The following SPG21 variants were observed in gnomAD, a reference collection of about 807,000 sequenced individuals.
SPG21 encodes maspardin.
A neutral mutation model predicts 38.9 loss-of-function variants in SPG21; 26 were observed. That is an observed-to-expected ratio of 0.67 (90% confidence interval 0.49 to 0.93). The LOEUF (loss-of-function observed/expected upper bound fraction) is 0.93, where lower values mean the gene tolerates loss of function less well. Ranked by LOEUF, SPG21 falls within the 40% of genes least tolerant of loss-of-function variation. The pLI is 0.00. For synonymous variants in SPG21, 136 were observed against 128.9 expected (o/e 1.05, Z -0.37); for missense variants, 333 against 376.5 (o/e 0.88, Z 0.96).
At chr15:64,974,527 T>A (rs1416499004) in intron 5 of SPG21, 75 bp downstream of exon 5, 11 of 1,559,210 alleles carry the variant, frequency 7.1e-6, no homozygotes, top group Non-Finnish European at 9.7e-6. Context: ...AAGTCTTCCC[T>A]TCCTAATGTA....
In SPG21 at chr15:64,974,702, A is replaced by G; in HGVS notation, c.352T>C (p.Phe118Leu). The G allele has an allele frequency of 6.2e-7, 1 of 1,614,150 alleles. No homozygotes were observed. Among genetic ancestry groups the G allele is most frequent in the Non-Finnish European group, 8.5e-7 (1 of 1,180,026 alleles). Reference sequence around the variant, plus strand: ...GGAGATTTGTGAGTGTATTCAGCAAATTTCTGGGCCAAAAAGCCTCCCAAA... The same window carrying G: ...GGAGATTTGTGAGTGTATTCAGCAAGTTTCTGGGCCAAAAAGCCTCCCAAA... The part of the protein sequence containing the change: ...ASLGGFLAQK[F>L]AEYTHKSPRV... The change falls in exon 5 of 9, where the codon TTT becomes CTT. Residue 118 changes from phenylalanine to leucine, a missense_variant. Phe to Leu is a conservative substitution (Grantham distance 22). Coordinates refer to ENST00000204566, the MANE Select transcript of SPG21 (RefSeq NM_016630.7).
At chr15:64,974,510 T>G in intron 5 of SPG21, 92 bp downstream of exon 5, 1 of 1,448,554 alleles carries the variant, frequency 6.9e-7, no homozygotes, top group Non-Finnish European at 9.6e-7. Context: ...AATATAGAAG[T>G]AGATATAAGT....
chr15:64,963,876 C>T, intron 8 of SPG21, 140 bp from the exon 9 acceptor site: 2 of 688,626 alleles, frequency 2.9e-6, no homozygotes, highest in Non-Finnish European at 5.1e-6. Flanking sequence ...CCTGCCTCAG[C>T]CTCCCGAGTA....
At chr15:64,969,192 A>G in intron 7 of SPG21, 63 bp downstream of exon 7, 1 of 1,131,172 alleles carries the variant, frequency 8.8e-7, no homozygotes, top group Non-Finnish European at 1.3e-6. Flanking sequence ...ATAGTTTTAT[A>G]GGAGATCTTG....
At chr15:64,982,479 G>A (rs1267444563) in intron 2 of SPG21, among the ~76,000 whole-genome samples, 2 of 152,072 alleles carry the variant, frequency 1.3e-5, no homozygotes, top group South Asian at 2.1e-4. Context: ...ACAGAGTTTC[G>A]CTATGTTGCC....
intron 5 of SPG21, among the ~76,000 whole-genome samples, 174 bp downstream of exon 5, chr15:64,974,428 T>C (rs766595599): frequency 3.3e-5 from 5 of 152,122 alleles, no homozygotes; most frequent in Non-Finnish European, 7.3e-5. Flanking sequence ...TAAGCTGTGA[T>C]TGCACCACTG....
intron 7 of SPG21, among the ~76,000 whole-genome samples, chr15:64,966,099 A>G (rs772400658): frequency 1.3e-5 from 2 of 152,194 alleles, no homozygotes; most frequent in Non-Finnish European, 2.9e-5. Context: ...GCAAATGTCA[A>G]TAAGTTTCAA....
intron 7 of SPG21, among the ~76,000 whole-genome samples, chr15:64,966,564 G>A (rs1236798262): frequency 2.0e-5 from 3 of 152,070 alleles, no homozygotes; most frequent in African/African-American, 4.8e-5. Flanking sequence ...TTGTTTACAC[G>A]CTTATAATGA....
At position 64,974,701 on chromosome 15, in the gene SPG21, A is replaced by T. The variant is rs1229873451; in HGVS notation, c.353T>A (p.Phe118Tyr). Reference protein sequence around the residue: ...ASLGGFLAQKFAEYTHKSPRV... With the variant: ...ASLGGFLAQKYAEYTHKSPRV... ...AGGAGATTTGTGAGTGTATTCAGCA[A>T]ATTTCTGGGCCAAAAAGCCTCCCAA... Residue 118 changes from phenylalanine (F) to tyrosine (Y), a missense_variant, in exon 5 of 9, where the codon TTT becomes TAT. Phe to Tyr is a conservative substitution (Grantham distance 22). Coordinates refer to ENST00000204566, the MANE Select transcript of SPG21 (RefSeq NM_016630.7). The T allele has an allele frequency of 6.2e-7, 1 of 1,614,072 alleles. No individual in the cohort carries two copies. The highest frequency in any genetic ancestry group is 8.5e-7 in the Non-Finnish European group (1 of 1,180,044).
At chr15:64,965,601 C>T (rs1188235495) in intron 7 of SPG21, 141 bp from the exon 8 acceptor site, 3 of 1,284,090 alleles carry the variant, frequency 2.3e-6, no homozygotes, top group African/African-American at 3.0e-5. Context: ...CATATGAAGA[C>T]AATCCTGAAC....
At chr15:64,971,355 C>T (rs1005964595) in intron 5 of SPG21, among the ~76,000 whole-genome samples, 7 of 150,968 alleles carry the variant, frequency 4.6e-5, no homozygotes, top group Non-Finnish European at 7.4e-5. Flanking sequence ...CTGGCTAACA[C>T]GGTGAAACCC....
intron 5 of SPG21, 43 bp from the exon 6 acceptor site, chr15:64,970,265 C>T (rs745830978): frequency 2.7e-6 from 4 of 1,471,542 alleles, no homozygotes; most frequent in Non-Finnish European, 3.8e-6. Context: ...TCCAAGACTA[C>T]ACATGGCAAA....
chr15:64,980,294 G>A (rs56412347), intron 3 of SPG21, among the ~76,000 whole-genome samples: 2,535 of 152,234 alleles, frequency 0.017, 28 homozygotes, highest in Admixed American at 0.024. Flanking sequence ...AGGGCGTCAG[G>A]AGAGAATGCA....
At chr15:64,988,040 A>C (rs1015406710) in intron 1 of SPG21, among the ~76,000 whole-genome samples, 4 of 150,578 alleles carry the variant, frequency 2.7e-5, no homozygotes, top group Non-Finnish European at 5.9e-5. Flanking sequence ...ATCTCAAAAA[A>C]ACAAACAAAA....
intron 5 of SPG21, among the ~76,000 whole-genome samples, chr15:64,972,905 G>A (rs145274447): frequency 6.6e-6 from 1 of 152,150 alleles, no homozygotes; most frequent in Admixed American, 6.6e-5. Context: ...TTAAGTAGAT[G>A]TGAAAACGAT....
chr15:64,970,312 A>G, intron 5 of SPG21, 90 bp from the exon 6 acceptor site: 2 of 1,150,670 alleles, frequency 1.7e-6, no homozygotes, highest in South Asian at 2.5e-5. Flanking sequence ...TTAGCTTGGG[A>G]TCTAGAAATA....
intron 6 of SPG21, among the ~76,000 whole-genome samples, chr15:64,969,640 G>C (rs1047673998): frequency 6.6e-6 from 1 of 151,570 alleles, no homozygotes; most frequent in Admixed American, 6.6e-5. Context: ...GTGCCCATGG[G>C]CAGCAAGCCA....
intron 1 of SPG21, among the ~76,000 whole-genome samples, chr15:64,983,825 C>T (rs1481836402): frequency 1.3e-5 from 2 of 151,496 alleles, no homozygotes; most frequent in East Asian, 1.9e-4. Flanking sequence ...TCTTGTTGCC[C>T]AGGCTGGAGT....
Position 64,974,655 on chromosome 15 carries a change from G to A in SPG21, c.399C>T (p.Leu133=), listed in dbSNP as rs958360169. 1.9e-6 allele frequency: 3 copies of A among 1,614,086 alleles called. No homozygotes were observed. The highest frequency in any genetic ancestry group is 2.5e-6 in the Non-Finnish European group (3 of 1,180,044). ...HKSPRVHSLI[L]CNSFSDTSIF... ...TAGAGGTGTCACTGAAGGAATTGCA[G>A]AGGATTAGGGAATGGACTCTAGGAG... Residue 133 remains leucine, a synonymous_variant, in exon 5 of 9, where the codon CTC becomes CTT. Coordinates refer to ENST00000204566, the MANE Select transcript of SPG21 (RefSeq NM_016630.7).
Sources: gnomAD v4.1 joint callset for allele counts (sites outside exome capture counted in the v4.1 genomes callset) on GRCh38, gnomAD v4.1.1 for gene constraint, MANE v1.5 for transcripts, NCBI Gene and HGNC (gene_info 2026-07-23, HGNC 2026-07-21) for gene names.